Variants in USP34 observed in about 807,000 individuals in gnomAD.
USP34 encodes the protein ubiquitin carboxyl-terminal hydrolase 34.
USP34 carries 70 observed loss-of-function variants against 460.3 expected under a neutral mutation model. The ratio of observed to expected loss-of-function variants is 0.15; its 90% CI spans 0.13 to 0.19. The LOEUF (loss-of-function observed/expected upper bound fraction) is 0.19, where lower values mean the gene tolerates loss of function less well. Among genes scored for constraint, USP34 ranks in the 10% least tolerant of loss-of-function variants. USP34 has a pLI of 1.00. For missense variants in USP34, 3,985 were observed against 4,236.2 expected, an observed-to-expected ratio of 0.94 and a Z score of 1.65; for synonymous variants, 1,647 against 1,405.3, an observed-to-expected ratio of 1.17 and a Z score of -3.85.
intron 5 of USP34, among the ~76,000 whole-genome samples, chr2:61,383,759 C>G (rs898386650): frequency 8.5e-5 from 13 of 152,104 alleles, no homozygotes; most frequent in African/African-American, 2.7e-4. Context: ...ATTTAGTATT[C>G]TGCTGCCTCT....
At chr2:61,220,151 TAAAAAA>T (rs60784334) in intron 67 of USP34, 153 bp downstream of exon 67, 256 of 169,184 alleles carry the variant, frequency 1.5e-3, no homozygotes, top group South Asian at 2.4e-3. Context: ...TTTCCTATCC[TAAAAAA>T]AAAAAAAAAA....
intron 1 of USP34, among the ~76,000 whole-genome samples, chr2:61,469,362 A>G (rs956670983): frequency 1.3e-5 from 2 of 152,230 alleles, no homozygotes; most frequent in Non-Finnish European, 2.9e-5. Context: ...TGAGGATTTA[A>G]GTTTATCATA....
chr2:61,320,494 A>G (rs1479750483), intron 21 of USP34, among the ~76,000 whole-genome samples: 1 of 134,276 alleles, frequency 7.4e-6, no homozygotes, highest in Non-Finnish European at 1.7e-5. Context: ...CGGGCCAGGA[A>G]TCAGTTTTTT....
chr2:61,368,754 T>C (rs182115148), intron 10 of USP34, among the ~76,000 whole-genome samples: 56 of 152,196 alleles, frequency 3.7e-4, no homozygotes, highest in Non-Finnish European at 6.8e-4. Context: ...AGAAAATGTA[T>C]AGGGAGAAAC....
intron 21 of USP34, among the ~76,000 whole-genome samples, chr2:61,321,339 C>T (rs1459651321): frequency 6.6e-6 from 1 of 151,704 alleles, no homozygotes; most frequent in African/African-American, 2.4e-5. Flanking sequence ...GGTGTGGTGG[C>T]ACATGCCTGT....
chr2:61,396,237 C>T (rs1322988235), intron 3 of USP34, among the ~76,000 whole-genome samples: 1 of 152,130 alleles, frequency 6.6e-6, no homozygotes, highest in East Asian at 1.9e-4. Context: ...AAGATTTCAA[C>T]TGCCTAAAAG....
At chr2:61,405,165 G>A (rs766744345) in intron 3 of USP34, among the ~76,000 whole-genome samples, 9 of 144,936 alleles carry the variant, frequency 6.2e-5, no homozygotes, top group South Asian at 2.2e-4. Context: ...CCCAGGAGGC[G>A]GAGCTTGCAG....
rs1306374276 is a variant in USP34 at position 61,348,319 on chromosome 2, T to C, written c.1836A>G (p.Glu612=). Residue 612 remains glutamate (E), a synonymous_variant, in exon 15 of 80, where the codon GAA becomes GAG. Transcript: ENST00000398571. The part of the protein sequence containing the change: ...AGSPGSEVQS[E]DIADIEALKE... ...TGAGGGCTTCAATATCTGCAATGTC[T>C]TCTGACTGTACCTCACTGCCAGGGC... 1.2e-6 allele frequency: 2 copies of C among 1,614,184 alleles called. No homozygotes were observed. The highest frequency in any genetic ancestry group is 2.2e-5 in the South Asian group (2 of 91,078).
At chr2:61,459,328 AG>A (rs1210341169) in intron 1 of USP34, among the ~76,000 whole-genome samples, 1 of 152,204 alleles carries the variant, frequency 6.6e-6, no homozygotes, top group Non-Finnish European at 1.5e-5. Flanking sequence ...ACTCTTACAA[AG>A]GAAGTACCTT....
At position 61,465,197 on chromosome 2, in the gene USP34, G is replaced by A. The variant is rs75653044; in HGVS notation, c.43+5453C>T. On this transcript the variant is annotated intron_variant, in intron 1 of 79. Transcript: ENST00000398571. ...TGTCAAGATTATATTTAAAAAGGGT[G>A]GGTGTGGTGGGGCAAGGGTACTTAT... Among the ~76,000 whole-genome samples, 853 of 152,164 alleles carry A rather than the reference G, an allele frequency of 5.6e-3. 8 individuals carry two copies. Among genetic ancestry groups the A allele is most frequent in the African/African-American group, 0.019 (778 of 41,504 alleles).
intron 67 of USP34, among the ~76,000 whole-genome samples, chr2:61,217,790 T>C (rs1687444890): frequency 6.6e-6 from 1 of 152,072 alleles, no homozygotes; most frequent in African/African-American, 2.4e-5. Flanking sequence ...CCGTCTCTAC[T>C]AAAAATACAA....
chr2:61,349,194 A>C, intron 13 of USP34, 56 bp downstream of exon 13: 2 of 1,566,960 alleles, frequency 1.3e-6, no homozygotes, highest in Non-Finnish European at 1.7e-6. Flanking sequence ...TGAACTCTAG[A>C]AAACCACTAT....
At chr2:61,279,285 A>G (rs2103952763) in intron 39 of USP34, among the ~76,000 whole-genome samples, 1 of 152,352 alleles carries the variant, frequency 6.6e-6, no homozygotes, top group Middle Eastern at 3.4e-3. Flanking sequence ...TAAAGTGAAC[A>G]TATTGAACTT....
In USP34 at chr2:61,280,308, C is replaced by T. The variant is rs1197535763; in HGVS notation, c.5192G>A (p.Cys1731Tyr). The change falls in exon 39 of 80, where the codon TGT becomes TAT. Residue 1731 changes from cysteine (C) to tyrosine (Y), a missense_variant. Cys to Tyr is a radical substitution (Grantham distance 194, BLOSUM62 -2). This residue lies in a region of USP34 where 1,114 missense variants were observed against 1,122.5 expected (regional missense o/e 0.99). Coordinates refer to ENST00000398571, the MANE Select transcript of USP34 (RefSeq NM_014709.4). ...GCATAACAACCAAAAATACTCTTTA[C>T]ATCCTGGTTTTAATATTGGTTCTTC... ...YEEEPILKPG[C>Y]KEYFWLLCKL... is the part of the protein sequence containing the mutation. The T allele has an allele frequency of 3.2e-6, 5 of 1,559,586 alleles. No individual in the cohort carries two copies. Among genetic ancestry groups the T allele is most frequent in the Non-Finnish European group, 3.5e-6 (4 of 1,154,878 alleles).
intron 66 of USP34, 32 bp downstream of exon 66, chr2:61,221,470 T>G (rs1478107934): frequency 6.4e-7 from 1 of 1,570,564 alleles, no homozygotes; most frequent in East Asian, 2.3e-5. Context: ...CTCAGGAAAA[T>G]AAACATTGAA....
At chr2:61,432,541 G>A (rs1295948120) in intron 1 of USP34, among the ~76,000 whole-genome samples, 1 of 152,046 alleles carries the variant, frequency 6.6e-6, no homozygotes, top group Admixed American at 6.6e-5. Context: ...CTATTCAGGA[G>A]GCTGAGGTGA....
At chr2:61,448,217 T>A (rs1695173417) in intron 1 of USP34, among the ~76,000 whole-genome samples, 1 of 152,230 alleles carries the variant, frequency 6.6e-6, no homozygotes, top group Non-Finnish European at 1.5e-5. Flanking sequence ...CCCATGTCTA[T>A]AATCCCAGTA....
intron 37 of USP34, 81 bp downstream of exon 37, chr2:61,283,064 C>A: frequency 6.9e-7 from 1 of 1,453,238 alleles, no homozygotes; most frequent in South Asian, 1.2e-5. Flanking sequence ...ATATTTGTTT[C>A]CATTAGCTCT....
At chr2:61,324,693 C>T (rs1341458785) in intron 21 of USP34, among the ~76,000 whole-genome samples, 3 of 151,806 alleles carry the variant, frequency 2.0e-5, no homozygotes, top group Non-Finnish European at 4.4e-5. Context: ...CTGCTTGAGC[C>T]GGGGAGGTCA....
Sources: gnomAD v4.1 joint callset for allele counts (sites outside exome capture counted in the v4.1 genomes callset) on GRCh38, gnomAD v4.1.1 for gene constraint, gnomAD v4.1.1 regional missense constraint, MANE v1.5 for transcripts, NCBI Gene and HGNC (gene_info 2026-07-23, HGNC 2026-07-21) for gene names.